Variants in THSD7A observed in about 807,000 individuals in gnomAD.
THSD7A encodes thrombospondin type-1 domain-containing protein 7A.
THSD7A carries 96 observed loss-of-function variants against 231.3 expected under a neutral mutation model. The ratio of observed to expected loss-of-function variants is 0.41; its 90% CI spans 0.35 to 0.49. The LOEUF is 0.49. THSD7A is among the 20% of genes least tolerant of loss of function. The pLI is 0.05. For missense variants in THSD7A, 2,290 were observed against 2,070.2 expected (o/e 1.11, Z -2.06); for synonymous variants, 940 against 743.3 (o/e 1.26, Z -4.30).
intron 6 of THSD7A, among the ~76,000 whole-genome samples, chr7:11,487,992 G>A (rs2128306600): frequency 6.6e-6 from 1 of 152,176 alleles, no homozygotes; most frequent in Non-Finnish European, 1.5e-5. Flanking sequence ...TCACAACAGT[G>A]CTATGTGCAA....
chr7:11,768,708 TAAGAA>T (rs1381870360), intron 1 of THSD7A, among the ~76,000 whole-genome samples: 1 of 152,166 alleles, frequency 6.6e-6, no homozygotes, highest in Non-Finnish European at 1.5e-5. Flanking sequence ...CTTAGTTTGA[TAAGAA>T]AAGATATCAT....
chr7:11,767,330 C>G (rs1783060947), intron 1 of THSD7A, among the ~76,000 whole-genome samples: 2 of 152,122 alleles, frequency 1.3e-5, no homozygotes, highest in South Asian at 4.1e-4. Context: ...ACGTCTCTAA[C>G]CACTGTGTGT....
At chr7:11,662,238 C>T (rs1316472277) in intron 1 of THSD7A, among the ~76,000 whole-genome samples, 1 of 150,836 alleles carries the variant, frequency 6.6e-6, no homozygotes, top group African/African-American at 2.4e-5. Flanking sequence ...AATAAAGAAG[C>T]TTGTGCAGAT....
intron 1 of THSD7A, among the ~76,000 whole-genome samples, chr7:11,830,519 A>C (rs2128189522): frequency 6.6e-6 from 1 of 152,330 alleles, no homozygotes. Flanking sequence ...TACTCAACTG[A>C]TCTTCAAACT....
intron 1 of THSD7A, among the ~76,000 whole-genome samples, chr7:11,783,221 C>T (rs191283974): frequency 6.6e-6 from 1 of 152,112 alleles, no homozygotes; most frequent in Non-Finnish European, 1.5e-5. Context: ...ATTTAATACA[C>T]CTGACCTGCC....
chr7:11,395,277 C>A (rs752103337), intron 23 of THSD7A, among the ~76,000 whole-genome samples: 2 of 152,084 alleles, frequency 1.3e-5, no homozygotes, highest in Admixed American at 6.6e-5. Context: ...GCTAACTATC[C>A]CAAATATAGA....
In THSD7A at chr7:11,764,442, G is replaced by T. The variant is rs111745871; in HGVS notation, c.190+67315C>A. Among the ~76,000 whole-genome samples, 1,195 of 151,982 alleles carry T rather than the reference G, an allele frequency of 7.9e-3. 11 individuals are homozygous for T. Among genetic ancestry groups the T allele is most frequent in the African/African-American group, 0.027 (1,107 of 41,488 alleles). ...CAAAAATACAAAAAATTAGCCAGGCGTGGTGGCAGGCGCCTGTTGTCCCAG... is the reference window on the plus strand; with the variant it reads ...CAAAAATACAAAAAATTAGCCAGGCTTGGTGGCAGGCGCCTGTTGTCCCAG... On this transcript the variant is annotated intron_variant, in intron 1 of 27. Coordinates refer to ENST00000423059, the MANE Select transcript of THSD7A (RefSeq NM_015204.3).
intron 1 of THSD7A, among the ~76,000 whole-genome samples, chr7:11,789,579 G>A (rs1340779865): frequency 6.7e-6 from 1 of 149,042 alleles, no homozygotes; most frequent in Non-Finnish European, 1.5e-5. Flanking sequence ...TTTCTTTTCT[G>A]GTAAGAACAC....
chr7:11,565,387 T>G (rs1400503181), intron 4 of THSD7A, among the ~76,000 whole-genome samples: 2 of 152,194 alleles, frequency 1.3e-5, no homozygotes, highest in Non-Finnish European at 2.9e-5. Context: ...CCACAGACTG[T>G]CGCTTAAACA....
rs115969469 is a variant in THSD7A, at chr7:11,723,620, C to A, written c.191-86659G>T. Among the ~76,000 whole-genome samples, 1,247 of 151,796 alleles carry A rather than the reference C, an allele frequency of 8.2e-3. 16 individuals are homozygous for A. The highest frequency in any genetic ancestry group is 0.028 in the African/African-American group (1,176 of 41,418). On this transcript the variant is annotated intron_variant, in intron 1 of 27. Transcript: ENST00000423059. The stretch of plus-strand genomic sequence containing the variant: ...TTTGTTGGTTAGTTGATTGTTTTTG[C>A]AATTTTACTTGGAGCTATGTCCAGT...
chr7:11,525,595 A>G (rs1788437940), intron 6 of THSD7A, among the ~76,000 whole-genome samples: 1 of 152,160 alleles, frequency 6.6e-6, no homozygotes, highest in South Asian at 2.1e-4. Flanking sequence ...ATTATGATAT[A>G]TCAATTGTTT....
intron 1 of THSD7A, among the ~76,000 whole-genome samples, chr7:11,665,564 T>C (rs1158170277): frequency 2.0e-5 from 3 of 152,140 alleles, no homozygotes; most frequent in African/African-American, 7.2e-5. Context: ...CCTTCCACAA[T>C]ATTGTGAAAT....
chr7:11,650,828 G>GTTTTC (rs1181811304), intron 1 of THSD7A, among the ~76,000 whole-genome samples: 2 of 151,832 alleles, frequency 1.3e-5, no homozygotes, highest in South Asian at 4.1e-4. Context: ...GTTTTGTTTT[G>GTTTTC]TTTTGTTTTT....
chr7:11,521,662 T>C (rs1263094722), intron 6 of THSD7A, among the ~76,000 whole-genome samples: 9 of 138,066 alleles, frequency 6.5e-5, no homozygotes, highest in African/African-American at 2.3e-4. Flanking sequence ...TCATCTAGCA[T>C]TAGGTATATC....
intron 1 of THSD7A, among the ~76,000 whole-genome samples, chr7:11,793,714 C>T (rs1417969626): frequency 6.6e-6 from 1 of 151,356 alleles, no homozygotes; most frequent in African/African-American, 2.4e-5. Flanking sequence ...ATTAAGAATC[C>T]CCAAATATAA....
intron 2 of THSD7A, among the ~76,000 whole-genome samples, chr7:11,620,595 A>G (rs1215418222): frequency 6.6e-6 from 1 of 152,208 alleles, no homozygotes; most frequent in Non-Finnish European, 1.5e-5. Flanking sequence ...GTAACCTCCA[A>G]TGGCTGAGCA....
rs765894969 is a variant in THSD7A, at chr7:11,481,794, C to T, written c.2011G>A (p.Glu671Lys). Residue 671 changes from glutamate (E) to lysine (K), a missense_variant, in exon 7 of 28, where the codon GAA becomes AAA. Transcript: ENST00000423059. Reference sequence around the variant, plus strand: ...TCTGAAGCTGGCGACTCACCTTCTTCACCCGCATAGGCCAGAATGGATCGT... The same window carrying T: ...TCTGAAGCTGGCGACTCACCTTCTTTACCCGCATAGGCCAGAATGGATCGT... ...RARSILAYAGEEGGIRCPNSS... is the reference protein window; with the variant it reads ...RARSILAYAGKEGGIRCPNSS... 1.3e-6 allele frequency: 2 copies of T among 1,599,670 alleles called. No homozygotes were observed. Among genetic ancestry groups the T allele is most frequent in the Admixed American group, 3.4e-5 (2 of 58,522 alleles).
chr7:11,699,657 T>C (rs1379703942), intron 1 of THSD7A, among the ~76,000 whole-genome samples: 1 of 151,364 alleles, frequency 6.6e-6, no homozygotes, highest in East Asian at 2.0e-4. Context: ...AAATAAATGT[T>C]GCATATACAT....
rs574872359 is a variant in THSD7A at position 11,482,103 on chromosome 7, G to A, written c.1823-121C>T. On this transcript the variant is annotated intron_variant, in intron 6 of 27. Coordinates refer to ENST00000423059, the MANE Select transcript of THSD7A (RefSeq NM_015204.3). ...TTCTTTTGCTCTTACTTAAAAAAAC[G>A]TAGCCAAAAGAGGGATTGCCTACTA... 1.9e-5 allele frequency: 21 copies of A among 1,118,540 alleles called. No homozygotes were observed. The Admixed American group carries it at 2.9e-4, about 15-fold the overall frequency. The allele number at this position is 1,118,540 out of a possible 1,614,324, so 69.3% of individuals were successfully genotyped here. A position where few individuals can be genotyped will look rare whatever the true frequency, so the allele number is the denominator to read the frequency against.
Sources: gnomAD v4.1 joint callset for allele counts (sites outside exome capture counted in the v4.1 genomes callset) on GRCh38, gnomAD v4.1.1 for gene constraint, MANE v1.5 for transcripts, NCBI Gene and HGNC (gene_info 2026-07-23, HGNC 2026-07-21) for gene names.